The following PCDHA7 variants were observed in gnomAD, a reference collection of about 807,000 sequenced individuals.
PCDHA7 encodes the protein protocadherin alpha 7.
PCDHA7 carries 37 observed loss-of-function variants against 57.2 expected under a neutral mutation model. The observed-to-expected ratio is 0.65, with a 90% CI of 0.50 to 0.85. The LOEUF (loss-of-function observed/expected upper bound fraction) is 0.85, where lower values mean the gene tolerates loss of function less well. PCDHA7 is among the 40% of genes least tolerant of loss of function. PCDHA7 has a pLI of 0.00. For missense variants in PCDHA7, 1,188 were observed against 1,241.8 expected (o/e 0.96, Z 0.65); for synonymous variants, 553 against 558.8 (o/e 0.99, Z 0.15).
At chr5:140,897,863 T>C (rs1432232591) in intron 1 of PCDHA7, among the ~76,000 whole-genome samples, 6 of 152,206 alleles carry the variant, frequency 3.9e-5, no homozygotes, top group Admixed American at 3.9e-4. Flanking sequence ...GTTTCCTGAC[T>C]TTTTAATGAT....
chr5:140,858,297 A>G, intron 1 of PCDHA7: 2 of 1,597,406 alleles, frequency 1.3e-6, no homozygotes, highest in Non-Finnish European at 1.7e-6. Flanking sequence ...TCTTACTCGC[A>G]GCAGAGGCGG....
chr5:140,998,005 C>G (rs539275150), intron 3 of PCDHA7, among the ~76,000 whole-genome samples: 1 of 152,164 alleles, frequency 6.6e-6, no homozygotes, highest in South Asian at 2.1e-4. Flanking sequence ...TCTGAGCCTT[C>G]CATCCCCACC....
chr5:140,975,522 G>A (rs2096670563), intron 1 of PCDHA7, among the ~76,000 whole-genome samples: 1 of 152,128 alleles, frequency 6.6e-6, no homozygotes, highest in African/African-American at 2.4e-5. Context: ...ATCTGCAGTG[G>A]ATATATTCTT....
chr5:140,927,402 C>G, intron 1 of PCDHA7: 1 of 1,614,128 alleles, frequency 6.2e-7, no homozygotes, highest in Non-Finnish European at 8.5e-7. Context: ...AGCACTTTCG[C>G]CTGGACATGG....
chr5:140,931,473 A>G (rs2087545332), intron 1 of PCDHA7, among the ~76,000 whole-genome samples: 1 of 152,066 alleles, frequency 6.6e-6, no homozygotes, highest in Admixed American at 6.6e-5. Flanking sequence ...TGACAGAGGA[A>G]AAAACAACCC....
At chr5:140,957,893 C>T (rs1554223179) in intron 1 of PCDHA7, among the ~76,000 whole-genome samples, 1 of 151,938 alleles carries the variant, frequency 6.6e-6, no homozygotes, top group Non-Finnish European at 1.5e-5. Flanking sequence ...AAGTTGGCAT[C>T]AACCAAGGCA....
At chr5:140,858,133 C>A in intron 1 of PCDHA7, 2 of 1,597,688 alleles carry the variant, frequency 1.3e-6, no homozygotes, top group Non-Finnish European at 1.7e-6. Context: ...TGGATGTCAA[C>A]GTGTACCTGA....
chr5:140,848,620 G>A lies in PCDHA7; in HGVS notation c.2355+11882G>A, dbSNP rs149227021. 3.5e-4 allele frequency: 562 copies of A among 1,593,402 alleles called. 59 individuals are homozygous for A. Among genetic ancestry groups the A allele is most frequent in the Non-Finnish European group, 4.4e-4 (511 of 1,163,966 alleles). On this transcript the variant is annotated intron_variant, in intron 1 of 3. Coordinates refer to ENST00000525929, the MANE Select transcript of PCDHA7 (RefSeq NM_018910.3). Reference sequence around the variant, plus strand: ...TCCGTCCCGGAGGAAGCCGAACACGGCACCTTCGTGGGCCGCATCGCGCAG... The same window carrying A: ...TCCGTCCCGGAGGAAGCCGAACACGACACCTTCGTGGGCCGCATCGCGCAG...
chr5:140,978,810 G>C, intron 1 of PCDHA7, 139 bp from the exon 2 acceptor site: 2 of 1,500,034 alleles, frequency 1.3e-6, no homozygotes, highest in Non-Finnish European at 1.8e-6. Flanking sequence ...TATCATCATA[G>C]AGTTACACAT....
intron 1 of PCDHA7, chr5:140,870,788 C>A (rs782319322): frequency 3.7e-6 from 6 of 1,613,636 alleles, no homozygotes; most frequent in Non-Finnish European, 5.1e-6. Context: ...GACAACGCGC[C>A]GGCACTGCTG....
intron 1 of PCDHA7, chr5:140,857,896 T>G: frequency 6.3e-7 from 1 of 1,597,704 alleles, no homozygotes; most frequent in Admixed American, 1.7e-5. Flanking sequence ...CGGCGGTTGG[T>G]GCACGCATCC....
chr5:141,000,705 G>A (rs912231910), intron 3 of PCDHA7, among the ~76,000 whole-genome samples: 6 of 151,458 alleles, frequency 4.0e-5, no homozygotes, highest in African/African-American at 1.2e-4. Context: ...TGGGATTACA[G>A]GCATGAGCCA....
intron 1 of PCDHA7, among the ~76,000 whole-genome samples, chr5:140,960,911 G>A (rs2095578426): frequency 6.6e-6 from 1 of 152,284 alleles, no homozygotes; most frequent in Non-Finnish European, 1.5e-5. Context: ...TTGAGTTTCA[G>A]ATAGAAAATT....
At chr5:141,009,501 C>G in intron 3 of PCDHA7, 126 bp from the exon 4 acceptor site, 2 of 1,492,598 alleles carry the variant, frequency 1.3e-6, no homozygotes, top group Non-Finnish European at 1.8e-6. Context: ...CAGACTTGAA[C>G]AAACAACTCG....
At chr5:140,981,336 G>A (rs1332617891) in intron 2 of PCDHA7, among the ~76,000 whole-genome samples, 1 of 152,188 alleles carries the variant, frequency 6.6e-6, no homozygotes, top group Non-Finnish European at 1.5e-5. Context: ...CACTTTGGGA[G>A]GGTGAGGCAG....
At chr5:140,981,186 T>G (rs1307228709) in intron 2 of PCDHA7, among the ~76,000 whole-genome samples, 1 of 152,234 alleles carries the variant, frequency 6.6e-6, no homozygotes, top group Non-Finnish European at 1.5e-5. Flanking sequence ...AGTTCAAGTT[T>G]GCCTGCTCTG....
At chr5:140,850,169 G>A in intron 1 of PCDHA7, 2 of 1,594,742 alleles carry the variant, frequency 1.3e-6, no homozygotes, top group Non-Finnish European at 1.7e-6. Flanking sequence ...TGCTGGACGA[G>A]AACGACAATG....
chr5:140,846,589 T>G (rs1780576072), intron 1 of PCDHA7, among the ~76,000 whole-genome samples: 1 of 148,848 alleles, frequency 6.7e-6, no homozygotes, highest in Non-Finnish European at 1.5e-5. Context: ...TTAGCCAGGA[T>G]GGTCTCGATC....
chr5:140,919,335 G>A (rs1347619989), intron 1 of PCDHA7, among the ~76,000 whole-genome samples: 2 of 152,122 alleles, frequency 1.3e-5, no homozygotes, highest in African/African-American at 4.8e-5. Context: ...CTTTCAATCT[G>A]TTTGTATCTT....
Sources: allele counts gnomAD v4.1 joint callset (sites outside exome capture counted in the v4.1 genomes callset), GRCh38; gene constraint gnomAD v4.1.1; transcripts MANE v1.5; gene names NCBI Gene and HGNC (gene_info 2026-07-23, HGNC 2026-07-21).